SGCZ: variants seen among roughly 807,000 people sequenced by gnomAD.
SGCZ encodes sarcoglycan zeta.
Under a neutral mutation model 41.3 loss-of-function variants are expected in SGCZ, and 40 were observed. The ratio of observed to expected loss-of-function variants is 0.97; its 90% CI spans 0.75 to 1.26. The LOEUF (loss-of-function observed/expected upper bound fraction) is 1.26, where lower values mean the gene tolerates loss of function less well. Ranked by LOEUF, SGCZ falls within the 50% of genes most tolerant of loss-of-function variation. The pLI, the probability that SGCZ is intolerant of heterozygous loss-of-function variation, is 0.00. For synonymous variants in SGCZ, 206 were observed against 137.5 expected, an observed-to-expected ratio of 1.50 and a Z score of -3.49; for missense variants, 552 against 369.8, an observed-to-expected ratio of 1.49 and a Z score of -4.04.
intron 4 of SGCZ, among the ~76,000 whole-genome samples, chr8:14,211,978 A>AT (rs1355182948): frequency 1.3e-5 from 2 of 152,176 alleles, no homozygotes; most frequent in Non-Finnish European, 2.9e-5. Flanking sequence ...AGGTGGAAGA[A>AT]TGGGAACCCC....
At chr8:14,171,794 A>G (rs1429967227) in intron 4 of SGCZ, among the ~76,000 whole-genome samples, 1 of 152,100 alleles carries the variant, frequency 6.6e-6, no homozygotes, top group Non-Finnish European at 1.5e-5. Flanking sequence ...TAGTTTTTAT[A>G]TAAAAATTAT....
chr8:14,948,739 A>G (rs1021927848), intron 1 of SGCZ, among the ~76,000 whole-genome samples: 1 of 152,082 alleles, frequency 6.6e-6, no homozygotes, highest in African/African-American at 2.4e-5. Context: ...TAAGCCTTCT[A>G]TCCTTCTTGA....
chr8:14,488,988 A>G (rs34382583), intron 2 of SGCZ, among the ~76,000 whole-genome samples: 24,901 of 147,814 alleles, frequency 0.17, 2,230 homozygotes, highest in Admixed American at 0.2. Context: ...ATATATAGAT[A>G]TACATAATAT....
intron 1 of SGCZ, among the ~76,000 whole-genome samples, chr8:14,852,098 C>T (rs1803351021): frequency 6.6e-6 from 1 of 152,080 alleles, no homozygotes; most frequent in East Asian, 1.9e-4. Flanking sequence ...CCCTAAACTT[C>T]TTTGATCAAA....
chr8:14,118,064 A>G (rs1184765734), intron 5 of SGCZ, among the ~76,000 whole-genome samples: 1 of 151,956 alleles, frequency 6.6e-6, no homozygotes, highest in African/African-American at 2.4e-5. Context: ...GTGTCTTTAT[A>G]GTAGAATGAT....
At chr8:14,263,298 C>T (rs774073372) in intron 3 of SGCZ, among the ~76,000 whole-genome samples, 5 of 152,126 alleles carry the variant, frequency 3.3e-5, no homozygotes, top group Non-Finnish European at 7.4e-5. Context: ...CCTGTAATCC[C>T]AGCACTTTGG....
chr8:14,311,510 T>A (rs1026179719), intron 3 of SGCZ, among the ~76,000 whole-genome samples: 3 of 152,136 alleles, frequency 2.0e-5, no homozygotes, highest in Non-Finnish European at 4.4e-5. Context: ...CTAGATCTCT[T>A]CAAATCTTTT....
chr8:14,724,307 A>ATG (rs1185737020), intron 1 of SGCZ, among the ~76,000 whole-genome samples: 2 of 148,976 alleles, frequency 1.3e-5, no homozygotes, highest in African/African-American at 5.2e-5. Context: ...ATAAGTGTAT[A>ATG]TATGTGTATA....
chr8:14,670,090 C>A (rs887152287), intron 1 of SGCZ, among the ~76,000 whole-genome samples: 1 of 152,142 alleles, frequency 6.6e-6, no homozygotes, highest in African/African-American at 2.4e-5. Flanking sequence ...TCAACTCCAG[C>A]AGGAATTTTA....
intron 3 of SGCZ, among the ~76,000 whole-genome samples, chr8:14,288,115 G>T (rs946433328): frequency 7.9e-5 from 12 of 151,956 alleles, no homozygotes; most frequent in Non-Finnish European, 1.8e-4. Context: ...AAGAATTGAA[G>T]ATGCAAGATC....
chr8:14,299,587 G>C (rs1298452489), intron 3 of SGCZ, among the ~76,000 whole-genome samples: 1 of 152,040 alleles, frequency 6.6e-6, no homozygotes. Context: ...TCAGGGAAAT[G>C]TGAATATCTC....
At chr8:15,000,047 A>G (rs1802359488) in intron 1 of SGCZ, among the ~76,000 whole-genome samples, 1 of 152,182 alleles carries the variant, frequency 6.6e-6, no homozygotes, top group Non-Finnish European at 1.5e-5. Context: ...AAATGAGGTC[A>G]TAGGGGTGAG....
Position 14,402,212 on chromosome 8 carries a change from C to T in SGCZ, c.235-78008G>A, listed in dbSNP as rs542649750. On this transcript the variant is annotated intron_variant, in intron 2 of 7. Transcript: ENST00000382080. The stretch of plus-strand genomic sequence containing the variant: ...AGCCCTTTGTCAGATGAGTAGGTTG[C>T]GAAAATTTTCTCCCATTTTGTAGGT... Among the ~76,000 whole-genome samples the T allele has an allele frequency of 1.9e-3, 292 of 151,882 alleles. 2 individuals carry two copies. The highest frequency in any genetic ancestry group is 6.4e-3 in the African/African-American group (264 of 41,286).
chr8:14,321,268 T>C (rs1801910247), intron 3 of SGCZ, among the ~76,000 whole-genome samples: 1 of 152,032 alleles, frequency 6.6e-6, no homozygotes, highest in African/African-American at 2.4e-5. Context: ...CACTATGATA[T>C]GTTTTTCTGT....
intron 1 of SGCZ, among the ~76,000 whole-genome samples, chr8:14,624,081 A>C (rs1806369876): frequency 6.6e-6 from 1 of 152,204 alleles, no homozygotes; most frequent in Non-Finnish European, 1.5e-5. Context: ...ATAAACATTT[A>C]CTATGTGCCG....
intron 3 of SGCZ, among the ~76,000 whole-genome samples, chr8:14,308,543 C>T (rs1489846990): frequency 6.6e-6 from 1 of 151,852 alleles, no homozygotes; most frequent in African/African-American, 2.4e-5. Context: ...AAGAAAGACC[C>T]CCTTGCCCCT....
chr8:15,188,142 C>A (rs1338336503), intron 1 of SGCZ, among the ~76,000 whole-genome samples: 1 of 152,006 alleles, frequency 6.6e-6, no homozygotes, highest in Non-Finnish European at 1.5e-5. Context: ...AATCTGACTG[C>A]AGCATACCAC....
intron 1 of SGCZ, among the ~76,000 whole-genome samples, chr8:14,932,865 G>GA (rs916735180): frequency 2.0e-5 from 3 of 152,156 alleles, no homozygotes; most frequent in Admixed American, 6.5e-5. Flanking sequence ...AGTGTGATGT[G>GA]AAAACTGTGC....
At chr8:14,739,824 G>A (rs919325801) in intron 1 of SGCZ, among the ~76,000 whole-genome samples, 1 of 151,974 alleles carries the variant, frequency 6.6e-6, no homozygotes, top group Non-Finnish European at 1.5e-5. Flanking sequence ...TATCATGCTA[G>A]GTCAACAGGG....
Sources: gnomAD v4.1 joint callset for allele counts (sites outside exome capture counted in the v4.1 genomes callset) on GRCh38, gnomAD v4.1.1 for gene constraint, MANE v1.5 for transcripts, NCBI Gene and HGNC (gene_info 2026-07-23, HGNC 2026-07-21) for gene names.